Variants in PCDH11Y observed in about 807,000 individuals in gnomAD.
PCDH11Y encodes protocadherin-11 Y-linked.
For synonymous variants in PCDH11Y, 9 were observed against 83.6 expected, an observed-to-expected ratio of 0.11 and a Z score of 4.87; for missense variants, 12 against 224.8, an observed-to-expected ratio of 0.05 and a Z score of 6.05.
At chrY:5,156,162 A>AGTGT (rs56938003) in intron 2 of PCDH11Y, among the ~76,000 whole-genome samples, 15 of 23,255 alleles carry the variant, frequency 6.5e-4, no homozygotes, top group Non-Finnish European at 8.9e-4. Flanking sequence ...GCATTGTGTG[A>AGTGT]GTGTGTGTGT....
At chrY:5,727,907 TG>T (rs2053600023) in intron 4 of PCDH11Y, among the ~76,000 whole-genome samples, 1 of 32,672 alleles carries the variant, frequency 3.1e-5, no homozygotes, top group Non-Finnish European at 7.6e-5. Context: ...AAAATTTATT[TG>T]TGCTGCTCTG....
At chrY:5,045,179 G>T in intron 3 of PCDH11Y, among the ~76,000 whole-genome samples, 1 of 32,975 alleles carries the variant, frequency 3.0e-5, no homozygotes, top group Non-Finnish European at 7.4e-5. Context: ...TATTTTGCTT[G>T]TTAGTTGATG....
At chrY:5,028,241 T>G in intron 1 of PCDH11Y, among the ~76,000 whole-genome samples, 1 of 33,500 alleles carries the variant, frequency 3.0e-5, no homozygotes, top group Non-Finnish European at 7.4e-5. Flanking sequence ...TGACTGTATC[T>G]ACACCATCAC....
intron 2 of PCDH11Y, among the ~76,000 whole-genome samples, chrY:5,154,888 A>G (rs2052868102): frequency 3.1e-5 from 1 of 32,706 alleles, no homozygotes; most frequent in Admixed American, 2.8e-4. Flanking sequence ...CTATGAGTGA[A>G]GTTTACACTG....
intron 2 of PCDH11Y, among the ~76,000 whole-genome samples, chrY:5,214,471 A>G (rs2052943512): frequency 3.0e-5 from 1 of 33,174 alleles, no homozygotes; most frequent in Non-Finnish European, 7.5e-5. Flanking sequence ...AGAAATGAAC[A>G]TTAGATCTTT....
intron 1 of PCDH11Y, chrY:5,030,810 C>T: frequency 3.1e-5 from 1 of 32,626 alleles, no homozygotes; most frequent in South Asian, 6.7e-4. Flanking sequence ...TGTCCTTTGT[C>T]ACTTAGCCTA....
At chrY:5,545,217 G>C (rs2053411759) in intron 3 of PCDH11Y, among the ~76,000 whole-genome samples, 1 of 31,669 alleles carries the variant, frequency 3.2e-5, no homozygotes, top group Non-Finnish European at 7.8e-5. Flanking sequence ...CGTAGTTAAT[G>C]ATCCTTTTGC....
chrY:5,095,360 A>T, intron 1 of PCDH11Y, among the ~76,000 whole-genome samples: 2 of 32,487 alleles, frequency 6.2e-5, no homozygotes, highest in Admixed American at 2.8e-4. Context: ...TTTTTCTTTC[A>T]CCTTAACTAG....
chrY:5,012,998 C>T (rs2052555044), intron 1 of PCDH11Y, among the ~76,000 whole-genome samples: 1 of 30,492 alleles, frequency 3.3e-5, no homozygotes. Flanking sequence ...TACAGGCGCC[C>T]GCCACTGCGC....
chrY:5,069,298 C>T (rs2052695214), intron 1 of PCDH11Y, among the ~76,000 whole-genome samples: 1 of 33,537 alleles, frequency 3.0e-5, no homozygotes, highest in Admixed American at 2.7e-4. Context: ...TACTTTTGGA[C>T]ATAAGATTTC....
At chrY:5,404,977 G>T (rs2053237191) in intron 2 of PCDH11Y, among the ~76,000 whole-genome samples, 1 of 27,059 alleles carries the variant, frequency 3.7e-5, no homozygotes, top group Non-Finnish European at 8.6e-5. Flanking sequence ...AAGTTATTGG[G>T]CCCTTTTCAT....
At chrY:5,147,024 C>T in intron 2 of PCDH11Y, among the ~76,000 whole-genome samples, 1 of 31,392 alleles carries the variant, frequency 3.2e-5, no homozygotes, top group Non-Finnish European at 7.7e-5. Context: ...TGGACTTACA[C>T]CAGTGATTTG....
chrY:5,497,867 A>T (rs2053347292), intron 2 of PCDH11Y, among the ~76,000 whole-genome samples: 2 of 33,971 alleles, frequency 5.9e-5, no homozygotes, highest in East Asian at 1.6e-3. Context: ...CTCCCTGAGC[A>T]TTTGGGGAGA....
chrY:5,321,790 G>A, intron 2 of PCDH11Y, among the ~76,000 whole-genome samples: 1 of 31,130 alleles, frequency 3.2e-5, no homozygotes, highest in African/African-American at 1.3e-4. Context: ...GAAACATACC[G>A]AGACCCATCT....
intron 4 of PCDH11Y, among the ~76,000 whole-genome samples, chrY:5,700,647 C>G: frequency 3.0e-5 from 1 of 33,590 alleles, no homozygotes; most frequent in Non-Finnish European, 7.3e-5. Flanking sequence ...CATTAAACCT[C>G]TTTTTCTTTA....
chrY:5,110,361 C>T (rs2052801648), downstream of PCDH11Y, among the ~76,000 whole-genome samples: 1 of 31,689 alleles, frequency 3.2e-5, no homozygotes, highest in Non-Finnish European at 7.7e-5. Context: ...TCTTGAGTGG[C>T]GGGGGTTGTG....
intron 2 of PCDH11Y, among the ~76,000 whole-genome samples, chrY:5,193,430 T>C: frequency 3.0e-5 from 1 of 33,185 alleles, no homozygotes; most frequent in Non-Finnish European, 7.4e-5. Context: ...CAATAAAACA[T>C]TGTGATTTAT....
chrY:5,715,803 T>A, intron 4 of PCDH11Y, among the ~76,000 whole-genome samples: 1 of 32,500 alleles, frequency 3.1e-5, no homozygotes, highest in Non-Finnish European at 7.5e-5. Flanking sequence ...GTCAAAGACA[T>A]GTTAAAGTAA....
chrY:5,577,627 G>A lies in PCDH11Y; in HGVS notation c.3329-4148G>A, dbSNP rs370220359. 2.8e-4 allele frequency among the ~76,000 whole-genome samples: 9 copies of A among 32,663 alleles called. No individual in the cohort carries two copies. In the East Asian group the frequency reaches 4.0e-3, roughly 14 times the overall value. The allele number at this position is 32,663 out of a possible 37,273, so 87.6% of individuals were successfully genotyped here. ...TATGGATAGAAACTTTAATATAAAG[G>A]GATACATAATTAATTTTATATTTGC... is the stretch of plus-strand genomic sequence containing the variant. On this transcript the variant is annotated intron_variant, in intron 3 of 4. Transcript: ENST00000400457.
Sources: gnomAD v4.1 joint callset for allele counts (sites outside exome capture counted in the v4.1 genomes callset) on GRCh38, gnomAD v4.1.1 for gene constraint, MANE v1.5 for transcripts, NCBI Gene and HGNC (gene_info 2026-07-23, HGNC 2026-07-21) for gene names.